Variants in ABLIM2 observed in about 807,000 individuals in gnomAD.
ABLIM2 encodes the protein actin-binding LIM protein 2.
In ABLIM2, 53 loss-of-function variants were observed where a neutral mutation model predicts 97.7. The ratio of observed to expected loss-of-function variants is 0.54; its 90% confidence interval spans 0.44 to 0.68. The LOEUF (loss-of-function observed/expected upper bound fraction) is 0.68, where lower values mean the gene tolerates loss of function less well. Ranked by LOEUF, ABLIM2 falls within the 30% of genes least tolerant of loss-of-function variation. The pLI, the probability that ABLIM2 is intolerant of heterozygous loss-of-function variation, is 0.00. For synonymous variants in ABLIM2, 361 were observed against 345.8 expected (o/e 1.04, Z -0.49); for missense variants, 835 against 867.2 (o/e 0.96, Z 0.47).
intron 1 of ABLIM2, among the ~76,000 whole-genome samples, chr4:8,111,475 C>T (rs973477211): frequency 2.1e-4 from 32 of 152,206 alleles, no homozygotes; most frequent in Non-Finnish European, 1.0e-4. Flanking sequence ...GTATGAACTT[C>T]GCTTAAGAAT....
chr4:8,154,086 C>G (rs1194696292), intron 1 of ABLIM2, among the ~76,000 whole-genome samples: 2 of 151,170 alleles, frequency 1.3e-5, no homozygotes, highest in Non-Finnish European at 2.9e-5. Context: ...CCTCAGCCTC[C>G]CGAGTAGCTG....
chr4:8,051,009 AC>A (rs990837625), intron 8 of ABLIM2, among the ~76,000 whole-genome samples: 25 of 152,166 alleles, frequency 1.6e-4, no homozygotes, highest in East Asian at 1.2e-3. Context: ...TGGTTAAGTG[AC>A]CCCTGCCCGC....
In ABLIM2 at chr4:8,061,028, G is replaced by A. The variant is rs1215517921; in HGVS notation, c.702C>T (p.Ser234=). ...LEAGEKHYHP[S]CALCVRCGQM... ...GGCCGCACCTGACACATAGCGCGCAGGAAGGGTGGTAGTGCTTCTCTCCGG... is the reference window on the plus strand; with the variant it reads ...GGCCGCACCTGACACATAGCGCGCAAGAAGGGTGGTAGTGCTTCTCTCCGG... Residue 234 remains serine (S), a synonymous_variant, in exon 7 of 21, where the codon TCC becomes TCT. Transcript: ENST00000447017. The surrounding 1 kb of genome is among the most constrained non-coding windows in gnomAD (Gnocchi z 4.5). 6.3e-7 allele frequency: 1 copy of A among 1,597,794 alleles called. No homozygotes were observed. Among genetic ancestry groups the A allele is most frequent in the Non-Finnish European group, 8.5e-7 (1 of 1,172,164 alleles).
chr4:8,123,409 G>A lies in ABLIM2; in HGVS notation c.11-16772C>T, dbSNP rs540914139. On this transcript the variant is annotated intron_variant, in intron 1 of 20. Transcript: ENST00000447017. This position sits in a 1 kb window ranked among gnomAD's most constrained non-coding sequence, Gnocchi z 6.2. ...TGGGGCCTGGAGCCTGGGCCTCTATGTCAGGGAACTGGTTTTCTGCCTGTC... is the reference window on the plus strand; with the variant it reads ...TGGGGCCTGGAGCCTGGGCCTCTATATCAGGGAACTGGTTTTCTGCCTGTC... Among the ~76,000 whole-genome samples the A allele has an allele frequency of 6.6e-6, 1 of 152,300 alleles. No individual in the cohort carries two copies. The highest frequency in any genetic ancestry group is 6.5e-5 in the Admixed American group (1 of 15,300).
chr4:8,126,336 G>A (rs1477793310), intron 1 of ABLIM2, among the ~76,000 whole-genome samples: 4 of 152,030 alleles, frequency 2.6e-5, no homozygotes, highest in South Asian at 2.1e-4. Context: ...GGAGGGAGCC[G>A]CTGGAGGCCC....
intron 10 of ABLIM2, among the ~76,000 whole-genome samples, chr4:8,034,131 T>A (rs576493854): frequency 6.6e-6 from 1 of 152,220 alleles, no homozygotes; most frequent in South Asian, 2.1e-4. Context: ...TGGATTTGGG[T>A]CTTAGCCCTG....
chr4:8,032,251 A>C lies in ABLIM2; in HGVS notation c.1048-2475T>G, dbSNP rs111347330. ...TAACAGTAAAAGCTCTTTTGTAGAG[A>C]GACACGTCCAGTGTTTCTCCACGAG... On this transcript the variant is annotated intron_variant, in intron 10 of 20. Coordinates refer to ENST00000447017, the MANE Select transcript of ABLIM2 (RefSeq NM_001130083.2). This position sits in a 1 kb window ranked among gnomAD's most constrained non-coding sequence, Gnocchi z 4.3. Among the ~76,000 whole-genome samples, 26 of 151,758 alleles carry C rather than the reference A, an allele frequency of 1.7e-4. No homozygotes were observed. Among genetic ancestry groups the C allele is most frequent in the African/African-American group, 5.8e-4 (24 of 41,298 alleles).
intron 9 of ABLIM2, among the ~76,000 whole-genome samples, chr4:8,041,883 G>A (rs892772600): frequency 6.6e-6 from 1 of 150,422 alleles, no homozygotes; most frequent in East Asian, 2.0e-4. Flanking sequence ...CAGCCTGGGC[G>A]ACACAGTGAG....
At position 8,005,010 on chromosome 4, in the gene ABLIM2, A is replaced by G. The variant is rs548690319; in HGVS notation, c.1618+3049T>C. ...TGGGCCATGCTCACCACTGCCTAGC[A>G]CCATGTCCAGCACATAGTAGGTGCT... On this transcript the variant is annotated intron_variant, in intron 16 of 20. Coordinates refer to ENST00000447017, the MANE Select transcript of ABLIM2 (RefSeq NM_001130083.2). This position sits in a 1 kb window ranked among gnomAD's most constrained non-coding sequence, Gnocchi z 4.9. 7.7e-4 allele frequency among the ~76,000 whole-genome samples: 118 copies of G among 152,328 alleles called. No homozygotes were observed. Among genetic ancestry groups the G allele is most frequent in the African/African-American group, 2.8e-3 (115 of 41,572 alleles).
chr4:8,024,580 C>T (rs1183681487), intron 12 of ABLIM2, among the ~76,000 whole-genome samples: 1 of 152,200 alleles, frequency 6.6e-6, no homozygotes, highest in Non-Finnish European at 1.5e-5. Context: ...CCCCTGGGGG[C>T]TGCCACCAAG....
chr4:8,001,635 C>A lies in ABLIM2; in HGVS notation c.1618+6424G>T, dbSNP rs1409560533. Among the ~76,000 whole-genome samples, 1 of 152,154 alleles carries A rather than the reference C, an allele frequency of 6.6e-6. No individual in the cohort carries two copies. ...GCCAGGCCTTCCAGAAAGGTCATCACTGTGGCCCCAGCTGGCCACTCCTCC... is the reference window on the plus strand; with the variant it reads ...GCCAGGCCTTCCAGAAAGGTCATCAATGTGGCCCCAGCTGGCCACTCCTCC... On this transcript the variant is annotated intron_variant, in intron 16 of 20. Transcript: ENST00000447017. The surrounding 1 kb of genome is among the most constrained non-coding windows in gnomAD (Gnocchi z 4.2).
At chr4:8,084,197 A>G (rs1561265142) in intron 4 of ABLIM2, among the ~76,000 whole-genome samples, 1 of 152,208 alleles carries the variant, frequency 6.6e-6, no homozygotes, top group South Asian at 2.1e-4. Flanking sequence ...GCCGCTGGAA[A>G]AGATAAAACA....
intron 3 of ABLIM2, among the ~76,000 whole-genome samples, chr4:8,091,327 AT>A (rs1183371399): frequency 0.014 from 293 of 21,342 alleles, 16 homozygotes; most frequent in Middle Eastern, 0.05. Flanking sequence ...AATTATATAT[AT>A]ATTATATATA....
rs769943473 is a variant in ABLIM2, at chr4:8,015,054, G to C, written c.1423+4564C>G. Among the ~76,000 whole-genome samples, 1 of 152,026 alleles carries C rather than the reference G, an allele frequency of 6.6e-6. No individual in the cohort carries two copies. Among genetic ancestry groups the C allele is most frequent in the Non-Finnish European group, 1.5e-5 (1 of 68,012 alleles). On this transcript the variant is annotated intron_variant, in intron 14 of 20. Transcript: ENST00000447017. The surrounding 1 kb of genome is among the most constrained non-coding windows in gnomAD (Gnocchi z 4.6). ...TCGTACTTCAGCCTCCCGAGTAGCT[G>C]GGATTACAGGCGCCGGCCACCACAC... is the stretch of plus-strand genomic sequence containing the variant.
chr4:8,101,515 C>T (rs1031303463), intron 2 of ABLIM2, among the ~76,000 whole-genome samples: 1 of 152,210 alleles, frequency 6.6e-6, no homozygotes, highest in Non-Finnish European at 1.5e-5. Context: ...CCTCCCAGAC[C>T]GCCTAGAACA....
At chr4:8,012,003 C>T (rs2150540707) in intron 14 of ABLIM2, among the ~76,000 whole-genome samples, 1 of 152,270 alleles carries the variant, frequency 6.6e-6, no homozygotes, top group Non-Finnish European at 1.5e-5. Flanking sequence ...CACCCTTTTA[C>T]CTACTTATCC....
rs10018587 is a variant in ABLIM2, at chr4:8,085,091, G to A, written c.454+3078C>T. Among the ~76,000 whole-genome samples the A allele has an allele frequency of 0.068, 10,375 of 152,176 alleles. 741 individuals are homozygous for A. The highest frequency in any genetic ancestry group is 0.17 in the East Asian group (900 of 5,168). On this transcript the variant is annotated intron_variant, in intron 4 of 20. Coordinates refer to ENST00000447017, the MANE Select transcript of ABLIM2 (RefSeq NM_001130083.2). The surrounding 1 kb of genome is among the most constrained non-coding windows in gnomAD (Gnocchi z 6.1). ...TGCTCCTTCTGGAAGAAGCCTGTGC[G>A]GCCCACCCTAAAGGATTTCTTGTTC...
chr4:8,081,753 C>A (rs548415830), intron 4 of ABLIM2, among the ~76,000 whole-genome samples: 3 of 152,108 alleles, frequency 2.0e-5, no homozygotes, highest in Non-Finnish European at 4.4e-5. Flanking sequence ...GCGGCAGAGA[C>A]GCTGTGACAG....
Position 8,005,253 on chromosome 4 carries a change from G to A in ABLIM2, c.1618+2806C>T, listed in dbSNP as rs1308169460. The A allele has an allele frequency of 2.0e-6, 1 of 512,600 alleles. No homozygotes were observed. The highest frequency in any genetic ancestry group is 5.6e-5 in the East Asian group (1 of 17,890). 31.8% of individuals were successfully genotyped at this position (512,600 alleles called of 1,614,324 possible). On this transcript the variant is annotated intron_variant, in intron 16 of 20. Transcript: ENST00000447017. This position sits in a 1 kb window ranked among gnomAD's most constrained non-coding sequence, Gnocchi z 4.9. Reference sequence around the variant, plus strand: ...CCCTGCACGCTTCTCCAGGTCAGGGGCTGCTCTTGTCTTCTCTGTCCCCCT... The same window carrying A: ...CCCTGCACGCTTCTCCAGGTCAGGGACTGCTCTTGTCTTCTCTGTCCCCCT...
Sources: allele counts gnomAD v4.1 joint callset (sites outside exome capture counted in the v4.1 genomes callset), GRCh38; gene constraint gnomAD v4.1.1; non-coding constraint Gnocchi (gnomAD v3.1); transcripts MANE v1.5; gene names NCBI Gene and HGNC (gene_info 2026-07-23, HGNC 2026-07-21).